AGAP1: variants seen among roughly 807,000 people sequenced by gnomAD.
AGAP1 encodes the protein arf-GAP with GTPase, ANK repeat and PH domain-containing protein 1.
In AGAP1, 29 loss-of-function variants were observed where a neutral mutation model predicts 105.3. The observed-to-expected ratio is 0.28, with a 90% CI of 0.21 to 0.38. The LOEUF (loss-of-function observed/expected upper bound fraction) is 0.38. AGAP1 is among the 10% of genes least tolerant of loss of function. The pLI is 1.00. For missense variants in AGAP1, 998 were observed against 1,165.1 expected (o/e 0.86, Z 2.09); for synonymous variants, 509 against 485.9 (o/e 1.05, Z -0.63).
At chr2:235,849,899 G>A (rs1961982924) in intron 9 of AGAP1, among the ~76,000 whole-genome samples, 2 of 152,188 alleles carry the variant, frequency 1.3e-5, no homozygotes, top group African/African-American at 4.8e-5. Context: ...ACCCTGACAT[G>A]CTCCCCTCTC....
intron 12 of AGAP1, among the ~76,000 whole-genome samples, chr2:235,956,151 G>C (rs2053939798): frequency 6.6e-6 from 1 of 152,172 alleles, no homozygotes. Context: ...CACCCAACTT[G>C]AGAAATGGTA....
Position 236,062,671 on chromosome 2 carries a change from T to A in AGAP1, c.2114+13390T>A, listed in dbSNP as rs2058234864. Among the ~76,000 whole-genome samples, 1 of 151,628 alleles carries A rather than the reference T, an allele frequency of 6.6e-6. No homozygotes were observed. Among genetic ancestry groups the A allele is most frequent in the African/African-American group, 2.4e-5 (1 of 41,036 alleles). On this transcript the variant is annotated intron_variant, in intron 16 of 17. Coordinates refer to ENST00000304032, the MANE Select transcript of AGAP1 (RefSeq NM_001037131.3). This position sits in a 1 kb window ranked among gnomAD's most constrained non-coding sequence, Gnocchi z 4.2. ...GTTTGTTTGTTTGTTTGTTTTTGTTTGTTTGTTTGAGATGGAATCTCACTC... is the reference window on the plus strand; with the variant it reads ...GTTTGTTTGTTTGTTTGTTTTTGTTAGTTTGTTTGAGATGGAATCTCACTC...
chr2:235,877,278 T>C lies in AGAP1; in HGVS notation c.1051-6067T>C, dbSNP rs1029759696. On this transcript the variant is annotated intron_variant, in intron 9 of 17. Coordinates refer to ENST00000304032, the MANE Select transcript of AGAP1 (RefSeq NM_001037131.3). This position sits in a 1 kb window ranked among gnomAD's most constrained non-coding sequence, Gnocchi z 4.3. ...TGTCTTTATAGCTTTTAAATAGATA[T>C]AAAAGTTATATTTATTAAACATTTA... Among the ~76,000 whole-genome samples the C allele has an allele frequency of 1.3e-5, 2 of 152,186 alleles. No homozygotes were observed. Among genetic ancestry groups the C allele is most frequent in the African/African-American group, 4.8e-5 (2 of 41,436 alleles).
intron 10 of AGAP1, among the ~76,000 whole-genome samples, chr2:235,903,724 GT>G (rs1308503202): frequency 2.6e-5 from 4 of 152,106 alleles, no homozygotes. Flanking sequence ...TCCCTTTGTA[GT>G]TTTGGGGAGA....
rs764350710 is a variant in AGAP1, at chr2:236,127,215, C to G, written c.*3093C>G. The G allele has an allele frequency of 1.3e-5, 2 of 152,196 alleles. No individual in the cohort carries two copies. Among genetic ancestry groups the G allele is most frequent in the South Asian group, 2.1e-4 (1 of 4,824 alleles). 9.4% of individuals were successfully genotyped at this position (152,196 alleles called of 1,614,324 possible). ...AGACCTGGCTGCAGCAGAAACACCC[C>G]GCAGGGACAGTACTCTGTGATTCTG... On this transcript the variant is annotated 3_prime_UTR_variant, in exon 18 of 18. Transcript: ENST00000304032. This position sits in a 1 kb window ranked among gnomAD's most constrained non-coding sequence, Gnocchi z 6.6.
At chr2:235,896,855 C>G (rs959654797) in intron 10 of AGAP1, among the ~76,000 whole-genome samples, 6 of 152,224 alleles carry the variant, frequency 3.9e-5, no homozygotes, top group Non-Finnish European at 8.8e-5. Context: ...TACACCAACA[C>G]AGAAAAGGAC....
intron 1 of AGAP1, among the ~76,000 whole-genome samples, chr2:235,629,863 C>CAAAAAAAA (rs10691632): frequency 4.2e-5 from 4 of 95,654 alleles, no homozygotes; most frequent in Non-Finnish European, 4.1e-5. Context: ...GACCCTGTCT[C>CAAAAAAAA]AAAAAAAAAA....
chr2:235,504,197 G>A (rs1941689351), intron 1 of AGAP1, among the ~76,000 whole-genome samples: 1 of 152,150 alleles, frequency 6.6e-6, no homozygotes, highest in Admixed American at 6.5e-5. Flanking sequence ...AGTCATAAAG[G>A]AGAAAGTTTT....
At chr2:235,920,558 G>C (rs1288094623) in intron 11 of AGAP1, among the ~76,000 whole-genome samples, 1 of 152,194 alleles carries the variant, frequency 6.6e-6, no homozygotes, top group Non-Finnish European at 1.5e-5. Flanking sequence ...GTGCCGTGGA[G>C]TTCTCCACAG....
rs1009477063 is a variant in AGAP1, at chr2:235,739,234, G to A, written c.311-1729G>A. On this transcript the variant is annotated intron_variant, in intron 3 of 17. Transcript: ENST00000304032. The surrounding 1 kb of genome is among the most constrained non-coding windows in gnomAD (Gnocchi z 5.3). The stretch of plus-strand genomic sequence containing the variant: ...GTTCAGGCAGAGCTAGGCCAGTATC[G>A]GGGTCTGGGGGCGACCGTCTGCAGC... Among the ~76,000 whole-genome samples, 8 of 152,222 alleles carry A rather than the reference G, an allele frequency of 5.3e-5. No individual in the cohort carries two copies. Among genetic ancestry groups the A allele is most frequent in the South Asian group, 2.1e-4 (1 of 4,830 alleles).
chr2:236,119,350 C>T lies in AGAP1; in HGVS notation c.2115-842C>T, dbSNP rs74940202. Reference sequence around the variant, plus strand: ...AGCCATTCCTGACATTCTGTCCTTTCCACTTAAGCCTTCCCCAAGTATCTG... The same window carrying T: ...AGCCATTCCTGACATTCTGTCCTTTTCACTTAAGCCTTCCCCAAGTATCTG... On this transcript the variant is annotated intron_variant, in intron 16 of 17. Coordinates refer to ENST00000304032, the MANE Select transcript of AGAP1 (RefSeq NM_001037131.3). This position sits in a 1 kb window ranked among gnomAD's most constrained non-coding sequence, Gnocchi z 6.6. Among the ~76,000 whole-genome samples the T allele has an allele frequency of 0.034, 5,210 of 152,262 alleles. 127 individuals carry two copies. The highest frequency in any genetic ancestry group is 0.051 in the Non-Finnish European group (3,484 of 67,996).
In AGAP1 at chr2:235,691,990, TG is replaced by T. The variant is rs1302767684; in HGVS notation, c.164-17187del. On this transcript the variant is annotated intron_variant, in intron 1 of 17. Coordinates refer to ENST00000304032, the MANE Select transcript of AGAP1 (RefSeq NM_001037131.3). The surrounding 1 kb of genome is among the most constrained non-coding windows in gnomAD (Gnocchi z 4.4). ...TCACGATAGCACATTCTCTAGTTGC[TG>T]GTTATCTAGTTACTAGTGGTAAGAC... Among the ~76,000 whole-genome samples the T allele has an allele frequency of 1.3e-5, 2 of 152,252 alleles. No individual in the cohort carries two copies. The highest frequency in any genetic ancestry group is 6.5e-5 in the Admixed American group (1 of 15,288).
rs142765871 is a variant in AGAP1 at position 235,848,686 on chromosome 2, A to G, written c.1051-34659A>G. ...GTGTGTGTTGAAATGTAAATCACAC[A>G]GCACCCAGATAACCAGATGATTTTC... On this transcript the variant is annotated intron_variant, in intron 9 of 17. Transcript: ENST00000304032. Among the ~76,000 whole-genome samples the G allele has an allele frequency of 1.6e-3, 243 of 152,356 alleles. 3 individuals are homozygous for G. Among genetic ancestry groups the G allele is most frequent in the Non-Finnish European group, 1.0e-3 (69 of 68,030 alleles).
chr2:235,603,888 G>A (rs751128235), intron 1 of AGAP1, among the ~76,000 whole-genome samples: 8 of 152,106 alleles, frequency 5.3e-5, no homozygotes, highest in African/African-American at 9.7e-5. Context: ...AAAGGAATGC[G>A]TCCATCAGGT....
chr2:235,972,584 G>A (rs563272594), intron 13 of AGAP1, among the ~76,000 whole-genome samples: 18 of 152,326 alleles, frequency 1.2e-4, no homozygotes, highest in African/African-American at 3.1e-4. Flanking sequence ...AGACCTGTCC[G>A]GCTGTGGTGA....
chr2:235,965,097 G>C lies in AGAP1; in HGVS notation c.1484-3365G>C, dbSNP rs1402375483. Among the ~76,000 whole-genome samples the C allele has an allele frequency of 6.6e-6, 1 of 152,256 alleles. No homozygotes were observed. The highest frequency in any genetic ancestry group is 1.5e-5 in the Non-Finnish European group (1 of 68,042). ...TACAGTTAACCAAGGAGGTTTACCA[G>C]ATGTCCACCGTGGAAAGCAAGTGTT... On this transcript the variant is annotated intron_variant, in intron 12 of 17. Transcript: ENST00000304032. The surrounding 1 kb of genome is among the most constrained non-coding windows in gnomAD (Gnocchi z 5.8).
chr2:235,673,022 G>A (rs749775512), intron 1 of AGAP1, among the ~76,000 whole-genome samples: 8 of 152,204 alleles, frequency 5.3e-5, no homozygotes, highest in South Asian at 2.1e-4. Flanking sequence ...CTACATTATA[G>A]CCATATGGTC....
Position 235,817,764 on chromosome 2 carries a change from G to A in AGAP1, c.1050+10433G>A, listed in dbSNP as rs539433043. Among the ~76,000 whole-genome samples the A allele has an allele frequency of 3.3e-5, 5 of 152,224 alleles. No homozygotes were observed. In the South Asian group the frequency reaches 1.0e-3, roughly 32 times the overall value. ...AAAGTAGCCGGGCACGGTGGCGCATGCCTGTAATTCCAACTACTCGGGAGC... is the reference window on the plus strand; with the variant it reads ...AAAGTAGCCGGGCACGGTGGCGCATACCTGTAATTCCAACTACTCGGGAGC... On this transcript the variant is annotated intron_variant, in intron 9 of 17. Transcript: ENST00000304032.
chr2:236,019,106 A>C (rs2056804780), intron 13 of AGAP1, among the ~76,000 whole-genome samples: 1 of 152,218 alleles, frequency 6.6e-6, no homozygotes, highest in South Asian at 2.1e-4. Flanking sequence ...TCTTGGTCAC[A>C]GTTCTGAGAC....
Sources: gnomAD v4.1 joint callset for allele counts (sites outside exome capture counted in the v4.1 genomes callset) on GRCh38, gnomAD v4.1.1 for gene constraint, Gnocchi (gnomAD v3.1) non-coding constraint, MANE v1.5 for transcripts, NCBI Gene and HGNC (gene_info 2026-07-23, HGNC 2026-07-21) for gene names.